The following WDR48 variants were observed in gnomAD, a reference collection of about 807,000 sequenced individuals.
WDR48 encodes the protein WD repeat domain 48.
In WDR48, 22 loss-of-function variants were observed where a neutral mutation model predicts 94.0. That is an observed-to-expected ratio of 0.23 (90% CI 0.17 to 0.33). The LOEUF (loss-of-function observed/expected upper bound fraction) is 0.33, where lower values mean the gene tolerates loss of function less well. Among genes scored for constraint, WDR48 ranks in the 10% least tolerant of loss-of-function variants. The probability of loss-of-function intolerance (pLI) is 1.00; values close to 1 mark genes in which losing one functional copy is unlikely to be tolerated. For missense variants in WDR48, 541 were observed against 813.8 expected, an observed-to-expected ratio of 0.66 and a Z score of 4.08; for synonymous variants, 278 against 280.5, an observed-to-expected ratio of 0.99 and a Z score of 0.09.
chr3:39,084,454 A>G (rs1240034033), intron 12 of WDR48, among the ~76,000 whole-genome samples, 191 bp from the exon 13 acceptor site: 1 of 152,190 alleles, frequency 6.6e-6, no homozygotes, highest in Non-Finnish European at 1.5e-5. Context: ...AAAAAAATTT[A>G]AAAGTTACAA....
intron 17 of WDR48, among the ~76,000 whole-genome samples, chr3:39,093,045 A>G (rs1412764014): frequency 6.6e-6 from 1 of 152,198 alleles, no homozygotes; most frequent in Non-Finnish European, 1.5e-5. Flanking sequence ...TAGGGTGTTG[A>G]TGAGTCTAGT....
chr3:39,055,066 G>A (rs2032777427), intron 1 of WDR48, among the ~76,000 whole-genome samples: 1 of 152,188 alleles, frequency 6.6e-6, no homozygotes, highest in African/African-American at 2.4e-5. Context: ...CTTGGAAAAA[G>A]CATACATGGG....
chr3:39,072,464 C>T (rs1324058578), intron 7 of WDR48, among the ~76,000 whole-genome samples: 1 of 152,166 alleles, frequency 6.6e-6, no homozygotes, highest in African/African-American at 2.4e-5. Flanking sequence ...CTTATGTCGT[C>T]CACTTGGCTG....
At position 39,065,900 on chromosome 3, in the gene WDR48, C is replaced by G. The variant is rs1159402668; in HGVS notation, c.268+11C>G. 2 of 1,563,874 alleles carry G rather than the reference C, an allele frequency of 1.3e-6. No homozygotes were observed. The highest frequency in any genetic ancestry group is 1.2e-5 in the South Asian group (1 of 81,630). On this transcript the variant is annotated intron_variant, in intron 3 of 18. Transcript: ENST00000302313. ...GTAATGGGAAAACATGTAAGTATTT[C>G]TTTGGATTATTATTGGGCTTCTGAT...
intron 1 of WDR48, among the ~76,000 whole-genome samples, chr3:39,058,905 T>C (rs1300298035): frequency 6.6e-6 from 1 of 151,900 alleles, no homozygotes; most frequent in East Asian, 1.9e-4. Flanking sequence ...CGAAACCCTG[T>C]CTCTACTAAA....
intron 6 of WDR48, 55 bp from the exon 7 acceptor site, chr3:39,069,588 T>C: frequency 1.4e-6 from 2 of 1,432,864 alleles, no homozygotes; most frequent in Non-Finnish European, 1.9e-6. Flanking sequence ...TTGTCTGTTA[T>C]TTAAATTTGA....
Position 39,094,288 on chromosome 3 carries a change from C to T in WDR48, c.1938+222C>T, listed in dbSNP as rs567480622. Reference sequence around the variant, plus strand: ...ATGTGCTGGTAGCTTTTTTTTCTGACAAGAAAAAAGACACATGGTCTTCTT... The same window carrying T: ...ATGTGCTGGTAGCTTTTTTTTCTGATAAGAAAAAAGACACATGGTCTTCTT... On this transcript the variant is annotated intron_variant, in intron 18 of 18. Coordinates refer to ENST00000302313, the MANE Select transcript of WDR48 (RefSeq NM_020839.4). 73 of 1,423,110 alleles carry T rather than the reference C, an allele frequency of 5.1e-5. No homozygotes were observed. In the African/African-American group the frequency reaches 9.2e-4, roughly 18 times the overall value. 88.2% of individuals were successfully genotyped at this position (1,423,110 alleles called of 1,614,324 possible).
intron 1 of WDR48, among the ~76,000 whole-genome samples, chr3:39,054,786 C>A (rs973127101): frequency 6.6e-6 from 1 of 152,060 alleles, no homozygotes; most frequent in African/African-American, 2.4e-5. Flanking sequence ...AAATATGGTG[C>A]TAGGATCTGC....
At chr3:39,054,816 C>G (rs2032747016) in intron 1 of WDR48, among the ~76,000 whole-genome samples, 1 of 151,218 alleles carries the variant, frequency 6.6e-6, no homozygotes, top group Admixed American at 6.6e-5. Context: ...AGGGAGGCCT[C>G]AAAGAGAGAG....
At chr3:39,093,845 T>C (rs777147185) in intron 17 of WDR48, 29 bp from the exon 18 acceptor site, 3 of 1,486,522 alleles carry the variant, frequency 2.0e-6, no homozygotes, top group Non-Finnish European at 1.8e-6. Flanking sequence ...ATTTCCCTGA[T>C]GTCACAATAT....
rs771548405 is a variant in WDR48, at chr3:39,084,210, G to T, written c.1229G>T (p.Arg410Ile). The T allele has an allele frequency of 3.1e-6, 5 of 1,612,596 alleles. No homozygotes were observed. The highest frequency in any genetic ancestry group is 1.3e-5 in the African/African-American group (1 of 74,890). Residue 410 changes from arginine (R) to isoleucine (I), a missense_variant, in exon 12 of 19, where the codon AGA becomes ATA. Arg to Ile is a moderately conservative substitution (Grantham distance 97). Around this residue, in one of 5 missense-constraint regions of WDR48, gnomAD observed 238 missense variants for 285.3 expected, o/e 0.83. Transcript: ENST00000302313. ...KVDFEDEIKK[R>I]FKMVYVPNWF... ...GATTTTGAAGATGAAATTAAGAAAA[G>T]ATTTAAAATGGTGTATGTGCCAAAT...
intron 11 of WDR48, among the ~76,000 whole-genome samples, 179 bp downstream of exon 11, chr3:39,079,987 A>G (rs530113606): frequency 1.3e-5 from 2 of 151,986 alleles, no homozygotes; most frequent in South Asian, 4.1e-4. Context: ...TTTTAAGTAA[A>G]TAAACTGTTT....
At chr3:39,083,950 C>G (rs1270965029) in intron 11 of WDR48, among the ~76,000 whole-genome samples, 1 of 152,138 alleles carries the variant, frequency 6.6e-6, no homozygotes, top group African/African-American at 2.4e-5. Flanking sequence ...CAGTTTCTTC[C>G]CAAATACTAT....
rs552356452 is a variant in WDR48 at position 39,096,382 on chromosome 3, T to C, written c.*1639T>C. The C allele has an allele frequency of 4.7e-5, 7 of 150,286 alleles. No individual in the cohort carries two copies. The East Asian group carries it at 8.0e-4, about 17-fold the overall frequency. The allele number at this position is 150,286 out of a possible 1,614,324, so 9.3% of individuals were successfully genotyped here. ...ACATTTTTTAGCAATAGTTGTGAATTAATGGCAAAGAAAAAAAAAATTATT... is the reference window on the plus strand; with the variant it reads ...ACATTTTTTAGCAATAGTTGTGAATCAATGGCAAAGAAAAAAAAAATTATT... On this transcript the variant is annotated 3_prime_UTR_variant, in exon 19 of 19. Transcript: ENST00000302313.
intron 2 of WDR48, among the ~76,000 whole-genome samples, chr3:39,063,488 A>C (rs1014520784): frequency 1.3e-5 from 2 of 152,090 alleles, no homozygotes; most frequent in African/African-American, 4.8e-5. Flanking sequence ...TCAACAATTA[A>C]TTTTTTTGCT....
At position 39,096,351 on chromosome 3, in the gene WDR48, T is replaced by C. The variant is rs2035331695; in HGVS notation, c.*1608T>C. ...TCTGTTGGATACAACAGTGTGCTTT[T>C]GGTGCACATTTTTTAGCAATAGTTG... On this transcript the variant is annotated 3_prime_UTR_variant, in exon 19 of 19. Coordinates refer to ENST00000302313, the MANE Select transcript of WDR48 (RefSeq NM_020839.4). 6.6e-6 allele frequency: 1 copy of C among 152,096 alleles called. No individual in the cohort carries two copies. Among genetic ancestry groups the C allele is most frequent in the African/African-American group, 2.4e-5 (1 of 41,362 alleles). The allele number at this position is 152,096 out of a possible 1,614,324, so 9.4% of individuals were successfully genotyped here.
At chr3:39,068,709 G>T in intron 5 of WDR48, 62 bp from the exon 6 acceptor site, 1 of 1,238,178 alleles carries the variant, frequency 8.1e-7, no homozygotes, top group Admixed American at 1.9e-5. Flanking sequence ...TGCAGTTTTT[G>T]CTGACTAGTT....
chr3:39,054,381 T>C (rs898666625), intron 1 of WDR48, among the ~76,000 whole-genome samples: 16 of 152,330 alleles, frequency 1.1e-4, no homozygotes, highest in African/African-American at 3.8e-4. Flanking sequence ...ACCAACTAGA[T>C]GTAGTAGCAT....
rs1280034724 is a variant in WDR48, at chr3:39,077,924, T to G, written c.973-213T>G. Reference sequence around the variant, plus strand: ...AGAGCACTCCTGCTTTCATGCATAGTTTTCTCTCCCAAAGACAATATTCCC... The same window carrying G: ...AGAGCACTCCTGCTTTCATGCATAGGTTTCTCTCCCAAAGACAATATTCCC... On this transcript the variant is annotated intron_variant, in intron 9 of 18. Transcript: ENST00000302313. 6.7e-6 allele frequency: 3 copies of G among 448,354 alleles called. No individual in the cohort carries two copies. The East Asian group carries it at 1.2e-4, about 18-fold the overall frequency. 27.8% of individuals were successfully genotyped at this position (448,354 alleles called of 1,614,324 possible).
Sources: allele counts gnomAD v4.1 joint callset (sites outside exome capture counted in the v4.1 genomes callset), GRCh38; gene constraint gnomAD v4.1.1; regional missense constraint gnomAD v4.1.1; transcripts MANE v1.5; gene names NCBI Gene and HGNC (gene_info 2026-07-23, HGNC 2026-07-21).